BRD10: variants seen among roughly 807,000 people sequenced by gnomAD.
The protein encoded by BRD10 is bromodomain containing 10.
the BRD10 span, chr9:5,969,084 C>T: frequency 6.2e-7 from 1 of 1,613,550 alleles, no homozygotes; most frequent in Non-Finnish European, 8.5e-7. Flanking sequence ...TGCCCTACAG[C>T]AGTGTACCAC....
the BRD10 span, among the ~76,000 whole-genome samples, chr9:5,925,764 T>C: frequency 6.6e-5 from 10 of 152,158 alleles, no homozygotes; most frequent in Admixed American, 6.5e-4. Context: ...AAAAACATAA[T>C]AGCTTTATTT....
the BRD10 span, among the ~76,000 whole-genome samples, chr9:5,901,338 T>A: frequency 1.3e-5 from 2 of 152,168 alleles, no homozygotes; most frequent in Non-Finnish European, 1.5e-5. Context: ...ATGTTAACTG[T>A]TGATTTTTTG....
chr9:5,986,568 T>C, the BRD10 span, among the ~76,000 whole-genome samples: 6 of 152,212 alleles, frequency 3.9e-5, no homozygotes, highest in Admixed American at 3.9e-4. Context: ...CTGAACTAAT[T>C]TACATTCCCA....
the BRD10 span, among the ~76,000 whole-genome samples, chr9:5,970,118 C>T: frequency 2.0e-5 from 3 of 152,022 alleles, no homozygotes; most frequent in Non-Finnish European, 4.4e-5. Flanking sequence ...TAATTCCATT[C>T]CTAGAAAGTT....
the BRD10 span, among the ~76,000 whole-genome samples, chr9:5,995,255 C>G: frequency 6.6e-6 from 1 of 152,154 alleles, no homozygotes. Flanking sequence ...AGGTGACTGC[C>G]CATAACTTAT....
chr9:5,907,444 T>C, the BRD10 span, among the ~76,000 whole-genome samples: 2 of 152,224 alleles, frequency 1.3e-5, no homozygotes, highest in Non-Finnish European at 2.9e-5. Flanking sequence ...ATGGTGCTAT[T>C]GAACACTTAA....
At chr9:5,880,757 T>G in the BRD10 span, among the ~76,000 whole-genome samples, 3 of 149,450 alleles carry the variant, frequency 2.0e-5, no homozygotes, top group Non-Finnish European at 4.4e-5. Flanking sequence ...CAGGCTGGAG[T>G]GCAGTGGTGC....
chr9:5,986,770 T>G, the BRD10 span, among the ~76,000 whole-genome samples: 1 of 152,232 alleles, frequency 6.6e-6, no homozygotes, highest in African/African-American at 2.4e-5. Context: ...TGGCTTATTC[T>G]CCCATGTTTA....
chr9:5,886,490 T>C, the BRD10 span, among the ~76,000 whole-genome samples: 963 of 152,370 alleles, frequency 6.3e-3, 6 homozygotes, highest in Non-Finnish European at 0.011. Context: ...CAGATGCTGC[T>C]ATTATCCCTT....
the BRD10 span, among the ~76,000 whole-genome samples, chr9:5,964,800 G>A: frequency 5.5e-4 from 64 of 115,554 alleles, no homozygotes; most frequent in African/African-American, 1.5e-3. Flanking sequence ...GTAAACTATC[G>A]CAAGAACAAA....
the BRD10 span, chr9:5,919,884 G>C: frequency 3.1e-6 from 5 of 1,613,824 alleles, no homozygotes; most frequent in African/African-American, 1.3e-5. Flanking sequence ...GGGTCCAAAT[G>C]AAACACTGAA....
the BRD10 span, chr9:5,969,463 T>G: frequency 7.2e-7 from 1 of 1,396,016 alleles, no homozygotes; most frequent in East Asian, 2.5e-5. Flanking sequence ...AATTATACTA[T>G]TATTATTCAG....
chr9:5,960,638 A>T, the BRD10 span, among the ~76,000 whole-genome samples: 1 of 152,020 alleles, frequency 6.6e-6, no homozygotes, highest in Non-Finnish European at 1.5e-5. Flanking sequence ...GAACTGGTTG[A>T]AAGTATCTTA....
the BRD10 span, among the ~76,000 whole-genome samples, chr9:5,915,736 T>C: frequency 1.3e-5 from 2 of 152,278 alleles, no homozygotes; most frequent in South Asian, 2.1e-4. Flanking sequence ...CTCTAACTTA[T>C]TATTATTTTA....
the BRD10 span, among the ~76,000 whole-genome samples, chr9:5,912,160 T>C: frequency 6.6e-6 from 1 of 152,248 alleles, no homozygotes; most frequent in Non-Finnish European, 1.5e-5. Context: ...GATTACTTTC[T>C]TGATTTTTCA....
the BRD10 span, among the ~76,000 whole-genome samples, chr9:5,940,575 ACAGTG>A: frequency 6.6e-6 from 1 of 152,206 alleles, no homozygotes; most frequent in Non-Finnish European, 1.5e-5. Context: ...TAGCTATATA[ACAGTG>A]TGTTAATATT....
chr9:5,988,397 T>C, the BRD10 span: 58 of 1,613,926 alleles, frequency 3.6e-5, no homozygotes, highest in Non-Finnish European at 4.7e-5. Context: ...ACTTGAACCA[T>C]TATAGATTCA....
At chr9:5,920,839 T>A in the BRD10 span, 1 of 1,613,988 alleles carries the variant, frequency 6.2e-7, no homozygotes, top group Non-Finnish European at 8.5e-7. Flanking sequence ...GAACAGATGA[T>A]GCAAGGTGTC....
the BRD10 span, among the ~76,000 whole-genome samples, chr9:5,947,088 G>C: frequency 6.6e-6 from 1 of 152,074 alleles, no homozygotes; most frequent in Non-Finnish European, 1.5e-5. Flanking sequence ...TAAAGCAAGA[G>C]ATAACACAGT....
Sources: allele counts gnomAD v4.1 joint callset (sites outside exome capture counted in the v4.1 genomes callset), GRCh38; gene constraint gnomAD v4.1.1; transcripts MANE v1.5; gene names NCBI Gene and HGNC (gene_info 2026-07-23, HGNC 2026-07-21).